Variants in MYOCD observed in about 807,000 individuals in gnomAD.
The protein encoded by MYOCD is myocardin.
Under a neutral mutation model 96.1 loss-of-function variants are expected in MYOCD, and 32 were observed. The ratio of observed to expected loss-of-function variants is 0.33; its 90% CI spans 0.25 to 0.45. The LOEUF is 0.45. MYOCD is among the 20% of genes least tolerant of loss of function. The pLI is 1.00. For missense variants in MYOCD, 1,133 were observed against 1,200.6 expected (o/e 0.94, Z 0.83); for synonymous variants, 469 against 469.0 (o/e 1.00, Z 0.00).
intron 5 of MYOCD, among the ~76,000 whole-genome samples, chr17:12,734,095 C>G (rs2032265480): frequency 7.9e-6 from 1 of 127,236 alleles, no homozygotes; most frequent in African/African-American, 2.9e-5. Flanking sequence ...CTTAACATTT[C>G]CACCCATGTT....
chr17:12,710,054 A>G (rs1466865575), intron 2 of MYOCD, among the ~76,000 whole-genome samples: 2 of 152,084 alleles, frequency 1.3e-5, no homozygotes, highest in African/African-American at 4.8e-5. Flanking sequence ...GAGAAGTCAG[A>G]CTCAACTTCT....
intron 1 of MYOCD, among the ~76,000 whole-genome samples, chr17:12,689,461 T>C (rs961399860): frequency 3.3e-5 from 5 of 152,338 alleles, no homozygotes; most frequent in African/African-American, 9.6e-5. Context: ...TTTGATGTTA[T>C]GTAAGCATAT....
chr17:12,727,762 C>T (rs1435215890), intron 5 of MYOCD, among the ~76,000 whole-genome samples: 2 of 152,164 alleles, frequency 1.3e-5, no homozygotes, highest in Non-Finnish European at 2.9e-5. Context: ...TGACAGAGGA[C>T]TGTCCCTACC....
chr17:12,676,786 A>T (rs74505408), intron 1 of MYOCD, among the ~76,000 whole-genome samples: 14 of 152,344 alleles, frequency 9.2e-5, no homozygotes, highest in African/African-American at 3.4e-4. Flanking sequence ...TATATGTGGT[A>T]TAGGTATGCC....
chr17:12,735,805 A>G (rs946394509), intron 5 of MYOCD, among the ~76,000 whole-genome samples: 2 of 152,100 alleles, frequency 1.3e-5, no homozygotes, highest in Non-Finnish European at 2.9e-5. Flanking sequence ...TGCTCCCACC[A>G]TGTTTTCCTC....
At position 12,753,952 on chromosome 17, in the gene MYOCD, A is replaced by C. The variant is rs571922126; in HGVS notation, c.2058+606A>C. On this transcript the variant is annotated intron_variant, in intron 10 of 13. Transcript: ENST00000425538. ...TTAGTGCTGAACTAGCCAAACAAAA[A>C]TTTCTATTCTCATGGGAACAGAGAC... Among the ~76,000 whole-genome samples the C allele has an allele frequency of 3.3e-5, 5 of 152,302 alleles. No homozygotes were observed. The South Asian group carries it at 1.0e-3, about 32-fold the overall frequency.
At chr17:12,669,351 C>G (rs997858012) in intron 1 of MYOCD, among the ~76,000 whole-genome samples, 4 of 152,184 alleles carry the variant, frequency 2.6e-5, no homozygotes, top group Admixed American at 1.3e-4. Flanking sequence ...TTGCTTCTCT[C>G]TCTCTCTTTC....
chr17:12,705,351 G>T, intron 2 of MYOCD, 158 bp downstream of exon 2: 1 of 558,072 alleles, frequency 1.8e-6, no homozygotes. Context: ...TGGATGCTTT[G>T]CCCCGACTGC....
intron 1 of MYOCD, among the ~76,000 whole-genome samples, chr17:12,684,481 G>A (rs1688884566): frequency 6.6e-6 from 1 of 152,146 alleles, no homozygotes; most frequent in Admixed American, 6.5e-5. Context: ...ATGTCCAGGG[G>A]AACACTACAT....
At chr17:12,755,438 A>G (rs1298419109) in intron 10 of MYOCD, among the ~76,000 whole-genome samples, 1 of 152,016 alleles carries the variant, frequency 6.6e-6, no homozygotes, top group Non-Finnish European at 1.5e-5. Context: ...GTGAAACCCC[A>G]TCTCTACTAA....
At chr17:12,727,817 C>T (rs2032043950) in intron 5 of MYOCD, among the ~76,000 whole-genome samples, 1 of 152,160 alleles carries the variant, frequency 6.6e-6, no homozygotes, top group South Asian at 2.1e-4. Context: ...CTCTTGCAGT[C>T]AGCTGGATGA....
chr17:12,752,270 G>A (rs879397789), intron 9 of MYOCD, 144 bp from the exon 10 acceptor site: 4 of 683,022 alleles, frequency 5.9e-6, no homozygotes, highest in Non-Finnish European at 9.7e-6. Flanking sequence ...ATCAGGGGTA[G>A]GAGAGGAAAT....
At chr17:12,685,791 C>T (rs1350559467) in intron 1 of MYOCD, among the ~76,000 whole-genome samples, 1 of 152,138 alleles carries the variant, frequency 6.6e-6, no homozygotes, top group Non-Finnish European at 1.5e-5. Context: ...TTTTCTCCAT[C>T]AGAGTATATA....
At chr17:12,679,724 T>C (rs2150638572) in intron 1 of MYOCD, among the ~76,000 whole-genome samples, 1 of 152,170 alleles carries the variant, frequency 6.6e-6, no homozygotes, top group Middle Eastern at 3.4e-3. Context: ...ACATAAAAAA[T>C]GGGATTTAAC....
At chr17:12,720,788 C>T (rs150763489) in intron 4 of MYOCD, among the ~76,000 whole-genome samples, 2,065 of 152,054 alleles carry the variant, frequency 0.014, 20 homozygotes, top group Non-Finnish European at 0.023. Context: ...TTTGGGAGGC[C>T]GAGGCGGGCG....
intron 1 of MYOCD, among the ~76,000 whole-genome samples, chr17:12,678,688 C>A (rs573220684): frequency 1.3e-4 from 19 of 151,864 alleles, no homozygotes; most frequent in South Asian, 2.1e-4. Context: ...TTGTTTTCTT[C>A]TTATTATTAT....
At chr17:12,738,944 TAA>T (rs1377038227) in intron 6 of MYOCD, among the ~76,000 whole-genome samples, 2 of 100,276 alleles carry the variant, frequency 2.0e-5, no homozygotes, top group African/African-American at 7.5e-5. Context: ...AGCTGGATGA[TAA>T]GTTTATATAT....
At chr17:12,695,875 C>T (rs1359756899) in intron 1 of MYOCD, among the ~76,000 whole-genome samples, 1 of 151,268 alleles carries the variant, frequency 6.6e-6, no homozygotes, top group African/African-American at 2.4e-5. Context: ...CTGGAACCCC[C>T]CTCCTACTTT....
chr17:12,733,873 AG>A lies in MYOCD; in HGVS notation c.416-2287del, dbSNP rs771419737. Among the ~76,000 whole-genome samples the A allele has an allele frequency of 8.9e-4, 110 of 123,186 alleles. 10 individuals carry two copies. The highest frequency in any genetic ancestry group is 6.1e-3 in the South Asian group (22 of 3,636). 80.8% of individuals were successfully genotyped at this position (123,186 alleles called of 152,430 possible). On this transcript the variant is annotated intron_variant, in intron 5 of 13. Transcript: ENST00000425538. ...AGAGCAAGACTCCGTCTCAAAAAAA[AG>A]AAAAAAGAAAAAAAGAAAGAAATGA...
Sources: gnomAD v4.1 joint callset for allele counts (sites outside exome capture counted in the v4.1 genomes callset) on GRCh38, gnomAD v4.1.1 for gene constraint, MANE v1.5 for transcripts, NCBI Gene and HGNC (gene_info 2026-07-23, HGNC 2026-07-21) for gene names.